Variants in ABCD3 observed in about 807,000 individuals in gnomAD.
The protein encoded by ABCD3 is ATP binding cassette subfamily D member 3, also known as ATP-binding cassette sub-family D member 3.
In ABCD3, 41 loss-of-function variants were observed where a neutral mutation model predicts 105.5. That is an observed-to-expected ratio of 0.39 (90% CI 0.30 to 0.50). The LOEUF (loss-of-function observed/expected upper bound fraction) is 0.50, where lower values mean the gene tolerates loss of function less well. Among genes scored for constraint, ABCD3 ranks in the 20% least tolerant of loss-of-function variants. The probability of loss-of-function intolerance (pLI) is 0.84; values close to 1 mark genes in which losing one functional copy is unlikely to be tolerated. For missense variants in ABCD3, 622 were observed against 806.3 expected (o/e 0.77, Z 2.77); for synonymous variants, 258 against 269.0 (o/e 0.96, Z 0.40).
the ABCD3 span, among the ~76,000 whole-genome samples, chr1:94,397,707 T>C: frequency 1.3e-5 from 2 of 152,312 alleles, no homozygotes; most frequent in East Asian, 3.9e-4. Context: ...CCTTTCCATA[T>C]TCTATTAATT....
intron 1 of ABCD3, among the ~76,000 whole-genome samples, chr1:94,446,937 C>T (rs1660370604): frequency 6.6e-6 from 1 of 152,150 alleles, no homozygotes; most frequent in African/African-American, 2.4e-5. Flanking sequence ...GTTCTAATTC[C>T]AGAGCAATTA....
the ABCD3 span, among the ~76,000 whole-genome samples, chr1:94,389,084 C>T: frequency 6.6e-6 from 1 of 152,312 alleles, no homozygotes; most frequent in South Asian, 2.1e-4. Flanking sequence ...TGGTATCGCA[C>T]ACTTCATCAT....
intron 20 of ABCD3, among the ~76,000 whole-genome samples, chr1:94,502,488 G>A (rs548988753): frequency 7.6e-6 from 1 of 131,694 alleles, no homozygotes; most frequent in African/African-American, 2.8e-5. Flanking sequence ...AACTGGGAAT[G>A]CCCCCCTAGT....
At chr1:94,392,331 C>T in the ABCD3 span, among the ~76,000 whole-genome samples, 1 of 152,200 alleles carries the variant, frequency 6.6e-6, no homozygotes, top group African/African-American at 2.4e-5. Context: ...AGATGAAGCT[C>T]CATCAGCCTG....
At chr1:94,488,107 A>T (rs1011116494) in intron 13 of ABCD3, 124 bp downstream of exon 13, 1 of 850,860 alleles carries the variant, frequency 1.2e-6, no homozygotes, top group Non-Finnish European at 1.8e-6. Flanking sequence ...GGTGGTTTTG[A>T]TAGAAAATTA....
intron 22 of ABCD3, 52 bp from the exon 23 acceptor site, chr1:94,517,000 G>A (rs375885438): frequency 8.3e-6 from 10 of 1,204,888 alleles, no homozygotes; most frequent in African/African-American, 3.0e-5. Context: ...ATAAAAGACA[G>A]TACTATATTC....
chr1:94,506,645 A>C lies in ABCD3; in HGVS notation c.1845+3A>C. The stretch of plus-strand genomic sequence containing the variant: ...ACATTTATAGTCATTGTCGAAAGGT[A>C]AGTACGCAGGTGCTCAGTTTGAGGA... On this transcript the variant is annotated splice_donor_region_variant and intron_variant, in intron 21 of 22. Coordinates refer to ENST00000370214, the MANE Select transcript of ABCD3 (RefSeq NM_002858.4). The C allele has an allele frequency of 6.2e-7, 1 of 1,608,136 alleles. No homozygotes were observed. Among genetic ancestry groups the C allele is most frequent in the Non-Finnish European group, 8.5e-7 (1 of 1,175,084 alleles).
the ABCD3 span, among the ~76,000 whole-genome samples, chr1:94,400,041 A>G: frequency 2.2e-4 from 33 of 152,276 alleles, no homozygotes; most frequent in African/African-American, 7.7e-4. Context: ...CCCTGTCTCA[A>G]AGATTTTCTT....
At chr1:94,480,326 C>CA in intron 8 of ABCD3, 138 bp from the exon 9 acceptor site, 3 of 1,026,892 alleles carry the variant, frequency 2.9e-6, no homozygotes, top group Non-Finnish European at 4.3e-6. Flanking sequence ...AGAAAAAAAA[C>CA]AAAGGGAAAA....
At chr1:94,448,610 C>T (rs530281646) in intron 1 of ABCD3, among the ~76,000 whole-genome samples, 2 of 152,354 alleles carry the variant, frequency 1.3e-5, no homozygotes, top group South Asian at 2.1e-4. Flanking sequence ...TCTGATTCTT[C>T]ATATGTGGTT....
chr1:94,510,167 C>G (rs979092681), intron 21 of ABCD3, among the ~76,000 whole-genome samples: 4 of 152,096 alleles, frequency 2.6e-5, no homozygotes, highest in African/African-American at 7.2e-5. Context: ...TTGAATGCGT[C>G]CCAGAGATTC....
chr1:94,456,021 C>T (rs1570767538), intron 1 of ABCD3, among the ~76,000 whole-genome samples: 1 of 152,022 alleles, frequency 6.6e-6, no homozygotes, highest in Non-Finnish European at 1.5e-5. Flanking sequence ...TACATTAGAT[C>T]TCCAGAACTT....
chr1:94,450,683 T>C (rs1044283592), intron 1 of ABCD3, among the ~76,000 whole-genome samples: 5 of 152,226 alleles, frequency 3.3e-5, no homozygotes, highest in Middle Eastern at 3.2e-3. Flanking sequence ...CTGAAGGCTG[T>C]GAGACCCCTG....
the ABCD3 span, among the ~76,000 whole-genome samples, chr1:94,398,346 T>C: frequency 4.3e-4 from 65 of 152,324 alleles, no homozygotes; most frequent in African/African-American, 1.4e-3. Flanking sequence ...TATTTACTTC[T>C]GTGTTCAACC....
the ABCD3 span, among the ~76,000 whole-genome samples, chr1:94,391,019 T>C: frequency 6.6e-6 from 1 of 152,200 alleles, no homozygotes; most frequent in Non-Finnish European, 1.5e-5. Flanking sequence ...GATTTTCTTT[T>C]TGCAGGTTCA....
intron 15 of ABCD3, 21 bp from the exon 16 acceptor site, chr1:94,491,163 T>A: frequency 6.3e-7 from 1 of 1,581,344 alleles, no homozygotes; most frequent in Non-Finnish European, 8.7e-7. Flanking sequence ...GTAATTCTCT[T>A]TTTAAAAATT....
intron 16 of ABCD3, among the ~76,000 whole-genome samples, chr1:94,496,694 GTTTTTTTTTTTTTT>G (rs71094302): frequency 6.3e-4 from 25 of 39,372 alleles, no homozygotes; most frequent in South Asian, 3.7e-3. Flanking sequence ...CCTTGTTTCT[GTTTTTTTTTTTTTT>G]TTTTTTTTTT....
intron 16 of ABCD3, among the ~76,000 whole-genome samples, chr1:94,497,987 C>T (rs1002081441): frequency 1.4e-4 from 21 of 152,166 alleles, no homozygotes; most frequent in African/African-American, 3.4e-4. Context: ...ACTGTGTATA[C>T]GCATGTATTT....
chr1:94,490,214 G>T (rs1649467913), intron 15 of ABCD3, among the ~76,000 whole-genome samples: 1 of 151,774 alleles, frequency 6.6e-6, no homozygotes, highest in African/African-American at 2.4e-5. Flanking sequence ...TTTACCTATC[G>T]CCTCTACATA....
Sources: allele counts gnomAD v4.1 joint callset (sites outside exome capture counted in the v4.1 genomes callset), GRCh38; gene constraint gnomAD v4.1.1; transcripts MANE v1.5; gene names NCBI Gene and HGNC (gene_info 2026-07-23, HGNC 2026-07-21).